AKAP6: variants seen among roughly 807,000 people sequenced by gnomAD.
AKAP6 encodes the protein A-kinase anchoring protein 6.
In AKAP6, 58 loss-of-function variants were observed where a neutral mutation model predicts 188.5. The ratio of observed to expected loss-of-function variants is 0.31; its 90% confidence interval spans 0.25 to 0.38. The LOEUF (loss-of-function observed/expected upper bound fraction) is 0.38, where lower values mean the gene tolerates loss of function less well. Among genes scored for constraint, AKAP6 ranks in the 10% least tolerant of loss-of-function variants. The pLI, the probability that AKAP6 is intolerant of heterozygous loss-of-function variation, is 1.00. For synonymous variants in AKAP6, 989 were observed against 998.6 expected, an observed-to-expected ratio of 0.99 and a Z score of 0.18; for missense variants, 2,710 against 2,740.0, an observed-to-expected ratio of 0.99 and a Z score of 0.24.
At chr14:32,354,016 G>A (rs965532014) in intron 1 of AKAP6, among the ~76,000 whole-genome samples, 1 of 152,172 alleles carries the variant, frequency 6.6e-6, no homozygotes, top group African/African-American at 2.4e-5. Flanking sequence ...TCAATATCGT[G>A]AAAATGGCCA....
chr14:32,519,478 CAAAAT>C (rs1266869557), intron 2 of AKAP6, among the ~76,000 whole-genome samples: 1 of 151,588 alleles, frequency 6.6e-6, no homozygotes, highest in Non-Finnish European at 1.5e-5. Context: ...CACAAAAACT[CAAAAT>C]AAAGGGATGG....
chr14:32,500,207 A>G (rs1342930825), intron 2 of AKAP6, among the ~76,000 whole-genome samples: 1 of 152,180 alleles, frequency 6.6e-6, no homozygotes, highest in Non-Finnish European at 1.5e-5. Context: ...AGCAGGAAAT[A>G]TAAACAGATT....
intron 2 of AKAP6, among the ~76,000 whole-genome samples, chr14:32,445,992 T>C (rs1890742304): frequency 1.3e-5 from 2 of 152,210 alleles, no homozygotes; most frequent in Non-Finnish European, 2.9e-5. Context: ...ATTTTGTATT[T>C]AGGAATGATT....
chr14:32,564,581 G>A (rs1312684723), intron 4 of AKAP6, among the ~76,000 whole-genome samples: 1 of 152,206 alleles, frequency 6.6e-6, no homozygotes, highest in Non-Finnish European at 1.5e-5. Context: ...GGGAGGGTAT[G>A]TGGAAGACTC....
intron 7 of AKAP6, among the ~76,000 whole-genome samples, chr14:32,670,319 A>G (rs1012985112): frequency 4.6e-5 from 7 of 152,132 alleles, no homozygotes; most frequent in Admixed American, 2.0e-4. Flanking sequence ...CAGCCAAACC[A>G]TATCACCAAG....
chr14:32,690,273 C>G (rs1040874215), intron 8 of AKAP6, among the ~76,000 whole-genome samples: 1 of 152,024 alleles, frequency 6.6e-6, no homozygotes, highest in African/African-American at 2.4e-5. Context: ...CATATATTCA[C>G]ACACACACAC....
chr14:32,724,659 T>G (rs1424294658), intron 9 of AKAP6, among the ~76,000 whole-genome samples: 1 of 152,142 alleles, frequency 6.6e-6, no homozygotes, highest in African/African-American at 2.4e-5. Flanking sequence ...TTAGAGCAAA[T>G]GCCTTCCTAC....
At chr14:32,657,838 TA>T (rs5807672) in intron 7 of AKAP6, among the ~76,000 whole-genome samples, 51,555 of 151,690 alleles carry the variant, frequency 0.34, 9,910 homozygotes, top group East Asian at 0.7. Context: ...ATTAAAGTAA[TA>T]AAAAAAATCT....
At chr14:32,432,875 G>A (rs1890265465) in intron 1 of AKAP6, among the ~76,000 whole-genome samples, 1 of 152,158 alleles carries the variant, frequency 6.6e-6, no homozygotes, top group African/African-American at 2.4e-5. Context: ...AGCTCCTCCG[G>A]TATCAAGTGG....
Position 32,433,555 on chromosome 14 carries a change from C to G in AKAP6, c.62C>G (p.Thr21Ser), listed in dbSNP as rs748003228. 6.2e-7 allele frequency: 1 copy of G among 1,614,174 alleles called. No homozygotes were observed. Among genetic ancestry groups the G allele is most frequent in the South Asian group, 1.1e-5 (1 of 91,078 alleles). Residue 21 changes from threonine (T) to serine (S), a missense_variant, in exon 2 of 14, where the codon ACT (threonine) becomes AGT (serine). Thr to Ser is a moderately conservative substitution (Grantham distance 58). This residue lies in a region of AKAP6 where 237 missense variants were observed against 313.9 expected (regional missense o/e 0.76). Coordinates refer to ENST00000280979, the MANE Select transcript of AKAP6 (RefSeq NM_004274.5). ...LRSQDLDPMA[T>S]DASPMAINMT... ...TCACAGGACCTGGATCCCATGGCTA[C>G]TGATGCTTCACCCATGGCCATCAAC...
chr14:32,332,262 C>A (rs2138385697), intron 1 of AKAP6, among the ~76,000 whole-genome samples: 1 of 152,204 alleles, frequency 6.6e-6, no homozygotes, highest in Middle Eastern at 3.4e-3. Flanking sequence ...TTTATGACAT[C>A]TTTACTGTAT....
At chr14:32,628,511 A>C (rs142655864) in intron 7 of AKAP6, among the ~76,000 whole-genome samples, 1 of 152,088 alleles carries the variant, frequency 6.6e-6, no homozygotes, top group East Asian at 1.9e-4. Context: ...GATTTCTAGG[A>C]AATAATTTTA....
At chr14:32,482,782 A>G (rs559326249) in intron 2 of AKAP6, among the ~76,000 whole-genome samples, 10 of 152,338 alleles carry the variant, frequency 6.6e-5, no homozygotes, top group African/African-American at 1.9e-4. Context: ...TAAGAATACT[A>G]TGAGCTGTAA....
intron 4 of AKAP6, among the ~76,000 whole-genome samples, chr14:32,548,557 G>C (rs1407623427): frequency 6.6e-6 from 1 of 151,810 alleles, no homozygotes; most frequent in African/African-American, 2.4e-5. Flanking sequence ...TAGATAGATA[G>C]ATAGATAGAT....
At chr14:32,640,385 C>T (rs1201537942) in intron 7 of AKAP6, among the ~76,000 whole-genome samples, 2 of 152,082 alleles carry the variant, frequency 1.3e-5, no homozygotes, top group Non-Finnish European at 2.9e-5. Flanking sequence ...TAAAATCACT[C>T]CAGAGCTTTG....
At position 32,408,503 on chromosome 14, in the gene AKAP6, A is replaced by G. The variant is rs188652695; in HGVS notation, c.-34-24957A>G. The stretch of plus-strand genomic sequence containing the variant: ...GGTTTTAATTACTGGGAGCTTATAT[A>G]TAATTATACAATTTATAATATATAA... On this transcript the variant is annotated intron_variant, in intron 1 of 13. Transcript: ENST00000280979. Among the ~76,000 whole-genome samples the G allele has an allele frequency of 9.5e-5, 14 of 147,860 alleles. 1 individual carries two copies. In the East Asian group the frequency reaches 2.6e-3, roughly 27 times the overall value.
In AKAP6 at chr14:32,686,617, A is replaced by T. The variant is rs1455811585; in HGVS notation, c.2879+8158A>T. Among the ~76,000 whole-genome samples the T allele has an allele frequency of 5.3e-5, 8 of 151,832 alleles. No individual in the cohort carries two copies. In the South Asian group the frequency reaches 6.2e-4, roughly 12 times the overall value. ...AAAAATAAAAATTTTAAAATAAATA[A>T]AAAAAGTAGAAGAGGGATATGTAGA... On this transcript the variant is annotated intron_variant, in intron 8 of 13. Transcript: ENST00000280979.
chr14:32,820,162 AC>A (rs1372550517), intron 12 of AKAP6, among the ~76,000 whole-genome samples: 1 of 151,866 alleles, frequency 6.6e-6, no homozygotes, highest in Non-Finnish European at 1.5e-5. Context: ...CAGCCCTTCA[AC>A]CAGTCTGCAA....
At chr14:32,472,777 G>A (rs1433678792) in intron 2 of AKAP6, among the ~76,000 whole-genome samples, 2 of 152,084 alleles carry the variant, frequency 1.3e-5, no homozygotes, top group African/African-American at 4.8e-5. Flanking sequence ...AATCGGTCTG[G>A]TCTGCCACCA....
Sources: gnomAD v4.1 joint callset for allele counts (sites outside exome capture counted in the v4.1 genomes callset) on GRCh38, gnomAD v4.1.1 for gene constraint, gnomAD v4.1.1 regional missense constraint, MANE v1.5 for transcripts, NCBI Gene and HGNC (gene_info 2026-07-23, HGNC 2026-07-21) for gene names.